Variants in CHST1 observed in about 807,000 individuals in gnomAD.
CHST1 encodes the protein Keratan sulfotransferase.
In CHST1, 10 loss-of-function variants were observed where a neutral mutation model predicts 22.5. The observed-to-expected ratio is 0.44, with a 90% CI of 0.27 to 0.75. The LOEUF is 0.75. Among genes scored for constraint, CHST1 ranks in the 30% least tolerant of loss-of-function variants. The pLI, the probability that CHST1 is intolerant of heterozygous loss-of-function variation, is 0.15. For missense variants in CHST1, 439 were observed against 576.1 expected (o/e 0.76, Z 2.44); for synonymous variants, 267 against 264.5 (o/e 1.01, Z -0.09).
At chr11:45,663,062 G>A (rs1281914417) in intron 1 of CHST1, among the ~76,000 whole-genome samples, 2 of 152,214 alleles carry the variant, frequency 1.3e-5, no homozygotes, top group Non-Finnish European at 2.9e-5. Flanking sequence ...TCAGGGCTTC[G>A]GGACCTTCTC....
Position 45,648,404 on chromosome 11 carries a change from G to A in CHST1, c.*1284C>T, listed in dbSNP as rs1851944138. Among the ~76,000 whole-genome samples the A allele has an allele frequency of 6.6e-6, 1 of 152,012 alleles. No homozygotes were observed. The highest frequency in any genetic ancestry group is 1.5e-5 in the Non-Finnish European group (1 of 67,990). On this transcript the variant is annotated 3_prime_UTR_variant, in exon 4 of 4. Transcript: ENST00000308064. The stretch of plus-strand genomic sequence containing the variant: ...TGACTGAAGGAAAAAAAAAACGGCT[G>A]GGTGAGGTGGCTCAAGTCTGCAATC...
intron 1 of CHST1, among the ~76,000 whole-genome samples, chr11:45,663,179 A>G (rs1852155800): frequency 6.6e-6 from 1 of 152,190 alleles, no homozygotes. Context: ...ACAGAGGGGT[A>G]GGCAAGGGGA....
Position 45,650,332 on chromosome 11 carries a change from G to C in CHST1, c.592C>G (p.Arg198Gly), listed in dbSNP as rs747837712. ...LNLTVAAEAC[R>G]ERSHVAIKTV... is the part of the protein sequence containing the mutation. ...TTGATGGCCACGTGGCTGCGCTCGC[G>C]GCACGCCTCGGCCGCCACGGTCAGG... Residue 198 changes from arginine (R) to glycine (G), a missense_variant, in exon 4 of 4, where the codon CGC becomes GGC. Arg to Gly is a moderately radical substitution (Grantham distance 125). Coordinates refer to ENST00000308064, the MANE Select transcript of CHST1 (RefSeq NM_003654.6). The C allele has an allele frequency of 1.3e-5, 21 of 1,603,360 alleles. No individual in the cohort carries two copies. The highest frequency in any genetic ancestry group is 1.4e-5 in the Non-Finnish European group (16 of 1,179,718).
Position 45,649,603 on chromosome 11 carries a change from G to T in CHST1, c.*85C>A. On this transcript the variant is annotated 3_prime_UTR_variant, in exon 4 of 4. Coordinates refer to ENST00000308064, the MANE Select transcript of CHST1 (RefSeq NM_003654.6). The stretch of plus-strand genomic sequence containing the variant: ...ACACGAAGATGAGGTGGGAGAGGGA[G>T]GGGTTAATAAGGCAACAGTTAAAAA... 1.5e-6 allele frequency: 2 copies of T among 1,343,426 alleles called. No homozygotes were observed. Among genetic ancestry groups the T allele is most frequent in the South Asian group, 2.8e-5 (2 of 71,784 alleles). The allele number at this position is 1,343,426 out of a possible 1,614,324, so 83.2% of individuals were successfully genotyped here.
chr11:45,651,602 A>G (rs1164853716), intron 3 of CHST1: 1 of 152,244 alleles, frequency 6.6e-6, no homozygotes, highest in Non-Finnish European at 1.5e-5. Context: ...TGGAGTCTCT[A>G]AGAGTCTCTG....
intron 1 of CHST1, among the ~76,000 whole-genome samples, chr11:45,654,537 G>A (rs1852036827): frequency 6.6e-6 from 1 of 152,242 alleles, no homozygotes; most frequent in Non-Finnish European, 1.5e-5. Context: ...CATCTGCCCT[G>A]GAAACCAGAG....
Position 45,648,597 on chromosome 11 carries a change from G to A in CHST1, c.*1091C>T, listed in dbSNP as rs570521555. ...TCCCAGTCACTCGGGAGGCTGAGGC[G>A]GGAGAACTGCTTGAACCTGGGAGGC... On this transcript the variant is annotated 3_prime_UTR_variant, in exon 4 of 4. Coordinates refer to ENST00000308064, the MANE Select transcript of CHST1 (RefSeq NM_003654.6). 4.9e-4 allele frequency among the ~76,000 whole-genome samples: 75 copies of A among 152,178 alleles called. No individual in the cohort carries two copies. The highest frequency in any genetic ancestry group is 1.7e-3 in the African/African-American group (69 of 41,504).
At chr11:45,651,273 C>G (rs376306642) in intron 3 of CHST1, 61 of 203,770 alleles carry the variant, frequency 3.0e-4, no homozygotes, top group African/African-American at 1.3e-3. Context: ...CTGACTCCCC[C>G]TACTCCCACA....
chr11:45,658,595 G>A (rs1852090887), intron 1 of CHST1, among the ~76,000 whole-genome samples: 1 of 152,032 alleles, frequency 6.6e-6, no homozygotes, highest in Admixed American at 6.5e-5. Flanking sequence ...CGACCTGAGG[G>A]GAAAGTTTTC....
At position 45,650,103 on chromosome 11, in the gene CHST1, G is replaced by A. The variant is rs147428436; in HGVS notation, c.821C>T (p.Thr274Met). The A allele has an allele frequency of 1.9e-5, 31 of 1,613,914 alleles. 1 individual carries two copies. The African/African-American group carries it at 3.2e-4, about 17-fold the overall frequency. ...GGAGTTGGAGAAGTCCTCGCACACC[G>A]TGGTCAGCTGCGTCACGTCCAGGTT... ...PYNLDVTQLT[T>M]VCEDFSNSVS... Residue 274 changes from threonine to methionine, a missense_variant, in exon 4 of 4, where the codon ACG (threonine) becomes ATG (methionine). Physicochemically the swap from Thr to Met is moderately conservative, Grantham distance 81 (BLOSUM62 -1). Transcript: ENST00000308064.
rs764636490 is a variant in CHST1, at chr11:45,650,729, G to T, written c.195C>A (p.Ile65=). Residue 65 remains isoleucine (I), a synonymous_variant, in exon 4 of 4, where the codon ATC becomes ATA. Coordinates refer to ENST00000308064, the MANE Select transcript of CHST1 (RefSeq NM_003654.6). The stretch of plus-strand genomic sequence containing the variant: ...AGGAGCCACTGCGCGTGGTGGCCAG[G>T]ATGAGGATGTGGGTCTTGCGGGAGA... ...YNLSRKTHIL[I]LATTRSGSSF... 6.2e-6 allele frequency: 10 copies of T among 1,614,156 alleles called. No individual in the cohort carries two copies. In the Admixed American group the frequency reaches 1.2e-4, roughly 19 times the overall value.
rs749430469 is a variant in CHST1 at position 45,650,773 on chromosome 11, G to A, written c.151C>T (p.Pro51Ser). The change falls in exon 4 of 4, where the codon CCC becomes TCC. Residue 51 changes from proline to serine, a missense_variant. By Grantham distance (74) the Pro-to-Ser change is moderately conservative. Coordinates refer to ENST00000308064, the MANE Select transcript of CHST1 (RefSeq NM_003654.6). ...CGGGAGAGGTTGTAGGCGAAGGTGG[G>A]GCTCTCCTCGCACAGTCGCTCGGCC... ...GLAERLCEES[P>S]TFAYNLSRKT... 6 of 1,614,078 alleles carry A rather than the reference G, an allele frequency of 3.7e-6. No homozygotes were observed. The Admixed American group carries it at 8.3e-5, about 22-fold the overall frequency.
intron 1 of CHST1, among the ~76,000 whole-genome samples, chr11:45,657,972 T>A (rs571404546): frequency 6.6e-6 from 1 of 152,298 alleles, no homozygotes; most frequent in East Asian, 1.9e-4. Flanking sequence ...GTCTACCGAT[T>A]TTTCACCATC....
intron 1 of CHST1, among the ~76,000 whole-genome samples, chr11:45,658,599 A>G (rs1852090961): frequency 6.6e-6 from 1 of 151,804 alleles, no homozygotes; most frequent in Non-Finnish European, 1.5e-5. Flanking sequence ...CTGAGGGGAA[A>G]GTTTTCCCCA....
intron 1 of CHST1, among the ~76,000 whole-genome samples, chr11:45,661,074 G>T (rs969787635): frequency 1.3e-5 from 2 of 152,214 alleles, no homozygotes; most frequent in African/African-American, 4.8e-5. Flanking sequence ...ATTACAAGAC[G>T]GGTAGATGAA....
In CHST1 at chr11:45,650,134, G is replaced by C; in HGVS notation, c.790C>G (p.Pro264Ala). 6.2e-7 allele frequency: 1 copy of C among 1,613,890 alleles called. No individual in the cohort carries two copies. Among genetic ancestry groups the C allele is most frequent in the South Asian group, 1.1e-5 (1 of 91,084 alleles). ...AGCTGCGTCACGTCCAGGTTGTAGG[G>C]TTTCCTCCCGGTGCCGTACCAGAGC... ...WRLWYGTGRK[P>A]YNLDVTQLTT... is the part of the protein sequence containing the mutation. Residue 264 changes from proline (P) to alanine (A), a missense_variant, in exon 4 of 4, where the codon CCC becomes GCC. Transcript: ENST00000308064.
At chr11:45,657,365 A>G (rs774112831) in intron 1 of CHST1, among the ~76,000 whole-genome samples, 24 of 152,234 alleles carry the variant, frequency 1.6e-4, no homozygotes, top group Non-Finnish European at 3.2e-4. Context: ...AGGCCAAGTC[A>G]GTGTACAAGA....
At position 45,650,315 on chromosome 11, in the gene CHST1, C is replaced by G. The variant is rs768176753; in HGVS notation, c.609G>C (p.Val203=). ...AAEACRERSH[V]AIKTVRVPEV... ...CGGGCACGCGCACCGTCTTGATGGCCACGTGGCTGCGCTCGCGGCACGCCT... is the reference window on the plus strand; with the variant it reads ...CGGGCACGCGCACCGTCTTGATGGCGACGTGGCTGCGCTCGCGGCACGCCT... The change falls in exon 4 of 4, where the codon GTG becomes GTC. Residue 203 remains valine (V), a synonymous_variant. Coordinates refer to ENST00000308064, the MANE Select transcript of CHST1 (RefSeq NM_003654.6). The G allele has an allele frequency of 6.2e-7, 1 of 1,604,606 alleles. No individual in the cohort carries two copies. The highest frequency in any genetic ancestry group is 1.1e-5 in the South Asian group (1 of 91,014).
At chr11:45,663,586 G>A (rs1852161658) in intron 1 of CHST1, among the ~76,000 whole-genome samples, 1 of 152,150 alleles carries the variant, frequency 6.6e-6, no homozygotes, top group Admixed American at 6.5e-5. Flanking sequence ...AAGGGGGCTG[G>A]GGGTGGCACC....
Sources: allele counts gnomAD v4.1 joint callset (sites outside exome capture counted in the v4.1 genomes callset), GRCh38; gene constraint gnomAD v4.1.1; transcripts MANE v1.5; gene names NCBI Gene and HGNC (gene_info 2026-07-23, HGNC 2026-07-21).